Variants in USP32 observed in about 807,000 individuals in gnomAD.
USP32 encodes the protein ubiquitin carboxyl-terminal hydrolase 32.
A neutral mutation model predicts 204.8 loss-of-function variants in USP32; 59 were observed. That is an observed-to-expected ratio of 0.29 (90% confidence interval 0.23 to 0.36). USP32 has a LOEUF of 0.36. Ranked by LOEUF, USP32 falls within the 10% of genes least tolerant of loss-of-function variation. USP32 has a pLI of 1.00. For missense variants in USP32, 1,160 were observed against 1,946.4 expected (o/e 0.60, Z 7.60); for synonymous variants, 517 against 678.4 (o/e 0.76, Z 3.70).
chr17:60,220,249 T>C (rs889128704), intron 15 of USP32, among the ~76,000 whole-genome samples: 20 of 152,286 alleles, frequency 1.3e-4, no homozygotes, highest in African/African-American at 4.6e-4. Context: ...ATTTACACTA[T>C]TGCCAGTAAT....
intron 1 of USP32, among the ~76,000 whole-genome samples, chr17:60,355,044 A>T (rs1358118736): frequency 2.0e-5 from 3 of 152,262 alleles, no homozygotes; most frequent in African/African-American, 7.2e-5. Context: ...GCTCTGCCTC[A>T]AAAACAAAAA....
At chr17:60,184,946 A>G (rs1172775577) in intron 30 of USP32, among the ~76,000 whole-genome samples, 7 of 152,208 alleles carry the variant, frequency 4.6e-5, no homozygotes, top group Admixed American at 4.6e-4. Flanking sequence ...CTCCTAATCC[A>G]TGAAGGGAGA....
chr17:60,387,797 T>G (rs1316527064), intron 1 of USP32, among the ~76,000 whole-genome samples: 1 of 152,186 alleles, frequency 6.6e-6, no homozygotes, highest in African/African-American at 2.4e-5. Context: ...AACACTTACA[T>G]TAGCATACTG....
chr17:60,421,224 G>A (rs1388321819), intron 1 of USP32: 1 of 367,736 alleles, frequency 2.7e-6, no homozygotes, highest in African/African-American at 2.2e-5. Context: ...GCGGATAAGT[G>A]GAAGGTTTAT....
At chr17:60,260,277 T>G (rs1424455546) in intron 9 of USP32, among the ~76,000 whole-genome samples, 3 of 152,086 alleles carry the variant, frequency 2.0e-5, no homozygotes, top group African/African-American at 7.2e-5. Context: ...TCCCAGCACT[T>G]TGGGAGGCTG....
At chr17:60,324,932 G>A (rs1223511860) in intron 2 of USP32, among the ~76,000 whole-genome samples, 1 of 152,262 alleles carries the variant, frequency 6.6e-6, no homozygotes, top group Middle Eastern at 3.4e-3. Flanking sequence ...GAACCAAGGA[G>A]GCAGAATTTG....
At chr17:60,303,055 T>G (rs2087625561) in intron 2 of USP32, among the ~76,000 whole-genome samples, 1 of 152,138 alleles carries the variant, frequency 6.6e-6, no homozygotes, top group Non-Finnish European at 1.5e-5. Flanking sequence ...ATAAATATAT[T>G]TAATAACACC....
intron 28 of USP32, among the ~76,000 whole-genome samples, chr17:60,191,673 C>T (rs1411611048): frequency 9.2e-5 from 14 of 151,434 alleles, no homozygotes; most frequent in Non-Finnish European, 1.3e-4. Context: ...CCATGCCTGG[C>T]TAATTTTTTG....
intron 28 of USP32, among the ~76,000 whole-genome samples, chr17:60,191,659 G>A (rs1227562222): frequency 4.0e-5 from 6 of 151,310 alleles, no homozygotes; most frequent in Non-Finnish European, 8.8e-5. Flanking sequence ...ACAGGTGCCC[G>A]CCACCATGCC....
intron 1 of USP32, among the ~76,000 whole-genome samples, chr17:60,389,897 G>C (rs894572305): frequency 6.6e-6 from 1 of 151,804 alleles, no homozygotes; most frequent in African/African-American, 2.4e-5. Flanking sequence ...GGCACCTATA[G>C]TCCCAGCTGC....
intron 9 of USP32, among the ~76,000 whole-genome samples, chr17:60,257,535 G>T (rs1248884634): frequency 1.3e-5 from 2 of 152,056 alleles, no homozygotes; most frequent in Non-Finnish European, 2.9e-5. Flanking sequence ...TATCACCCAG[G>T]CTGGAGTGCA....
chr17:60,229,325 G>A (rs1321309505), intron 12 of USP32, among the ~76,000 whole-genome samples: 1 of 152,222 alleles, frequency 6.6e-6, no homozygotes, highest in African/African-American at 2.4e-5. Context: ...TTACAGGCAT[G>A]AGTCACCCGG....
At chr17:60,355,183 A>T (rs1486887334) in intron 1 of USP32, among the ~76,000 whole-genome samples, 4 of 152,108 alleles carry the variant, frequency 2.6e-5, no homozygotes, top group Non-Finnish European at 2.9e-5. Context: ...AAGGCTGATT[A>T]AAAAAAAGAG....
chr17:60,299,871 A>G (rs2087529496), intron 3 of USP32, among the ~76,000 whole-genome samples: 1 of 152,130 alleles, frequency 6.6e-6, no homozygotes, highest in Admixed American at 6.6e-5. Context: ...TAGTTCATAG[A>G]CAGCCACCTT....
intron 11 of USP32, among the ~76,000 whole-genome samples, chr17:60,247,449 G>A (rs965729029): frequency 2.0e-5 from 3 of 152,096 alleles, no homozygotes; most frequent in African/African-American, 7.2e-5. Flanking sequence ...CAAAGTGCTG[G>A]GATTACAGGC....
Position 60,301,637 on chromosome 17 carries a change from A to C in USP32, c.254T>G (p.Val85Gly), listed in dbSNP as rs2087579145. ...LHFNNLIVGLVLLTRGKDEEK... is the reference protein window; with the variant it reads ...LHFNNLIVGLGLLTRGKDEEK... ...TTCATCTTTGCCTCTTGTAAGGAGG[A>C]CAAGTCCAACTATTAAATTATTGAA... The change falls in exon 3 of 34, where the codon GTC becomes GGC. Residue 85 changes from valine (V) to glycine (G), a missense_variant. Val to Gly is a moderately radical substitution (Grantham distance 109). Transcript: ENST00000300896. 1 of 1,596,080 alleles carries C rather than the reference A, an allele frequency of 6.3e-7. No individual in the cohort carries two copies. Among genetic ancestry groups the C allele is most frequent in the Admixed American group, 1.9e-5 (1 of 53,816 alleles).
intron 9 of USP32, among the ~76,000 whole-genome samples, chr17:60,265,042 A>T (rs971026022): frequency 6.6e-6 from 1 of 152,138 alleles, no homozygotes; most frequent in Non-Finnish European, 1.5e-5. Context: ...CTTCGACTTC[A>T]TATAAATGGA....
At chr17:60,251,902 C>T (rs879370697) in intron 11 of USP32, among the ~76,000 whole-genome samples, 4 of 151,768 alleles carry the variant, frequency 2.6e-5, no homozygotes, top group Admixed American at 2.6e-4. Context: ...TTTATATGAT[C>T]TAGAGTGAAA....
chr17:60,294,594 A>G, intron 4 of USP32, 89 bp downstream of exon 4: 1 of 749,798 alleles, frequency 1.3e-6, no homozygotes, highest in Non-Finnish European at 2.1e-6. Flanking sequence ...GCACATAAAC[A>G]TCTGTTTGTC....
Sources: allele counts gnomAD v4.1 joint callset (sites outside exome capture counted in the v4.1 genomes callset), GRCh38; gene constraint gnomAD v4.1.1; transcripts MANE v1.5; gene names NCBI Gene and HGNC (gene_info 2026-07-23, HGNC 2026-07-21).